RAB7B: variants seen among roughly 807,000 people sequenced by gnomAD.
The protein encoded by RAB7B is ras-related protein Rab-7b.
intron 1 of RAB7B, among the ~76,000 whole-genome samples, chr1:205,999,479 G>A (rs1660857212): frequency 6.6e-6 from 1 of 152,154 alleles, no homozygotes; most frequent in Non-Finnish European, 1.5e-5. Flanking sequence ...CAATATTTAG[G>A]GTTGGCAAGT....
chr1:205,987,983 G>A (rs912146201), intron 4 of RAB7B, among the ~76,000 whole-genome samples: 3 of 152,042 alleles, frequency 2.0e-5, no homozygotes, highest in Non-Finnish European at 4.4e-5. Flanking sequence ...GACCTCAAGT[G>A]ATTCTCCCAC....
intron 5 of RAB7B, 46 bp downstream of exon 5, chr1:205,985,494 C>T (rs915204522): frequency 2.0e-5 from 8 of 398,644 alleles, no homozygotes; most frequent in African/African-American, 1.6e-4. Flanking sequence ...AGACCCTCCC[C>T]AATCCAGGGG....
chr1:205,995,215 A>G (rs975182556), intron 1 of RAB7B, among the ~76,000 whole-genome samples: 8 of 152,098 alleles, frequency 5.3e-5, no homozygotes, highest in South Asian at 2.1e-4. Flanking sequence ...TATGTAATAA[A>G]CCTGCATGTT....
chr1:205,978,754 G>T lies in RAB7B; in HGVS notation c.*97C>A. 2.5e-6 allele frequency: 1 copy of T among 397,216 alleles called. No homozygotes were observed. The highest frequency in any genetic ancestry group is 4.4e-6 in the Non-Finnish European group (1 of 225,384). The allele number at this position is 397,216 out of a possible 1,614,324, so 24.6% of individuals were successfully genotyped here. On this transcript the variant is annotated 3_prime_UTR_variant, in exon 6 of 6. Coordinates refer to ENST00000617070, the MANE Select transcript of RAB7B (RefSeq NM_001164522.3). ...CCCCTGCACTGTGCTTGGGCAGGCA[G>T]TGGGGCTGGAGGGGGATGGTCACCT...
intron 4 of RAB7B, among the ~76,000 whole-genome samples, chr1:205,991,934 C>A (rs1571796784): frequency 6.6e-6 from 1 of 152,224 alleles, no homozygotes; most frequent in Non-Finnish European, 1.5e-5. Flanking sequence ...AAGTGGTTAA[C>A]CCGATGGTCC....
chr1:205,995,287 G>C (rs1660791899), intron 1 of RAB7B, among the ~76,000 whole-genome samples: 1 of 152,014 alleles, frequency 6.6e-6, no homozygotes, highest in Non-Finnish European at 1.5e-5. Context: ...ACAGAAGATG[G>C]TAAACTGTAC....
At chr1:205,982,404 G>A (rs1660512167) in intron 5 of RAB7B, among the ~76,000 whole-genome samples, 1 of 152,004 alleles carries the variant, frequency 6.6e-6, no homozygotes, top group African/African-American at 2.4e-5. Flanking sequence ...CTCACACCTG[G>A]ACTATTGCAG....
chr1:205,978,590 G>T lies in RAB7B; in HGVS notation c.*261C>A. 1 of 333,936 alleles carries T rather than the reference G, an allele frequency of 3.0e-6. No homozygotes were observed. Among genetic ancestry groups the T allele is most frequent in the Non-Finnish European group, 5.4e-6 (1 of 185,016 alleles). 20.7% of individuals were successfully genotyped at this position (333,936 alleles called of 1,614,324 possible). A position where few individuals can be genotyped will look rare whatever the true frequency, so the allele number is the denominator to read the frequency against. The stretch of plus-strand genomic sequence containing the variant: ...AAGCTGGAGCCACTGCGGAAACGGT[G>T]ACTTCTGCAGGACCAGGGTTTGGCT... On this transcript the variant is annotated 3_prime_UTR_variant, in exon 6 of 6. Transcript: ENST00000617070.
At chr1:206,002,652 T>C (rs1660909282) in intron 1 of RAB7B, among the ~76,000 whole-genome samples, 1 of 152,214 alleles carries the variant, frequency 6.6e-6, no homozygotes. Context: ...ACTTGCAGTT[T>C]ACAAAATGCC....
At chr1:205,987,329 A>C (rs1176238389) in intron 4 of RAB7B, among the ~76,000 whole-genome samples, 1 of 152,202 alleles carries the variant, frequency 6.6e-6, no homozygotes, top group Non-Finnish European at 1.5e-5. Flanking sequence ...AGTTGGGGAC[A>C]TGGGAAGTAT....
At chr1:205,986,144 A>G (rs1340380375) in intron 4 of RAB7B, among the ~76,000 whole-genome samples, 1 of 152,146 alleles carries the variant, frequency 6.6e-6, no homozygotes, top group Non-Finnish European at 1.5e-5. Context: ...GGAAGGGAGG[A>G]CTTTCTTCCC....
chr1:205,985,519 C>T, intron 5 of RAB7B, 21 bp downstream of exon 5: 1 of 398,894 alleles, frequency 2.5e-6, no homozygotes, highest in Non-Finnish European at 4.4e-6. Context: ...CTCAGCAGGT[C>T]CTGCCGCCAC....
intron 4 of RAB7B, among the ~76,000 whole-genome samples, chr1:205,988,611 G>A (rs1660659425): frequency 6.6e-6 from 1 of 152,166 alleles, no homozygotes; most frequent in African/African-American, 2.4e-5. Context: ...GTCCCTTGGA[G>A]ATAATAATAA....
chr1:205,988,395 TA>T (rs1175522211), intron 4 of RAB7B, among the ~76,000 whole-genome samples: 4,461 of 151,994 alleles, frequency 0.029, 242 homozygotes, highest in African/African-American at 0.1. Flanking sequence ...CCTGGCTAAT[TA>T]AAAAAAATTT....
chr1:205,998,624 C>T (rs1416676249), intron 1 of RAB7B, among the ~76,000 whole-genome samples: 2 of 152,204 alleles, frequency 1.3e-5, no homozygotes, highest in African/African-American at 4.8e-5. Context: ...AGAGACGCGG[C>T]ATGCTAGGCA....
intron 2 of RAB7B, among the ~76,000 whole-genome samples, chr1:205,993,774 G>A: frequency 2.6e-5 from 4 of 152,276 alleles, no homozygotes; most frequent in Admixed American, 2.6e-4. Context: ...TGGAGACGGT[G>A]GAATATCTCA....
intron 5 of RAB7B, among the ~76,000 whole-genome samples, chr1:205,980,677 TC>T (rs1177212981): frequency 2.0e-5 from 3 of 152,162 alleles, no homozygotes; most frequent in African/African-American, 7.2e-5. Context: ...CCAGCCCACT[TC>T]CCTCCACTGG....
At chr1:205,999,657 C>T (rs1381546215) in intron 1 of RAB7B, among the ~76,000 whole-genome samples, 4 of 152,198 alleles carry the variant, frequency 2.6e-5, no homozygotes, top group African/African-American at 9.7e-5. Context: ...CATATTTGTA[C>T]AGATGATTAC....
intron 3 of RAB7B, 49 bp from the exon 4 acceptor site, chr1:205,992,744 G>A (rs1660747467): frequency 2.5e-6 from 1 of 398,726 alleles, no homozygotes; most frequent in East Asian, 3.6e-5. Context: ...ATGGCTGGAA[G>A]GAGGCCCAGC....
Sources: allele counts gnomAD v4.1 joint callset (sites outside exome capture counted in the v4.1 genomes callset), GRCh38; gene constraint gnomAD v4.1.1; transcripts MANE v1.5; gene names NCBI Gene and HGNC (gene_info 2026-07-23, HGNC 2026-07-21).